Variants in MAOB observed in about 807,000 individuals in gnomAD.
MAOB encodes the protein monoamine oxidase B, also known as amine oxidase [flavin-containing] B.
A neutral mutation model predicts 41.9 loss-of-function variants in MAOB; 15 were observed. That is an observed-to-expected ratio of 0.36 (90% CI 0.24 to 0.55). MAOB has a LOEUF of 0.55. Ranked by LOEUF, MAOB falls within the 20% of genes least tolerant of loss-of-function variation. MAOB has a pLI of 0.86. For missense variants in MAOB, 345 were observed against 398.7 expected, an observed-to-expected ratio of 0.87 and a Z score of 1.15; for synonymous variants, 167 against 144.2, an observed-to-expected ratio of 1.16 and a Z score of -1.13.
chrX:43,771,844 A>T (rs1003373826), intron 12 of MAOB, among the ~76,000 whole-genome samples: 1 of 111,787 alleles, frequency 8.9e-6, no homozygotes, highest in African/African-American at 3.3e-5. Flanking sequence ...AAGGGAAAAA[A>T]AGAGTCCAAC....
At chrX:43,858,884 G>A (rs746019314) in intron 1 of MAOB, among the ~76,000 whole-genome samples, 87 of 111,809 alleles carry the variant, frequency 7.8e-4, no homozygotes, top group Non-Finnish European at 1.5e-3. Flanking sequence ...TTGATAAAAC[G>A]ATTTAACAAA....
intron 1 of MAOB, among the ~76,000 whole-genome samples, chrX:43,870,270 G>A (rs2035392839): frequency 8.9e-6 from 1 of 112,206 alleles, no homozygotes; most frequent in Non-Finnish European, 1.9e-5. Flanking sequence ...AGTAAAAGAA[G>A]GAATCCATAT....
At chrX:43,870,742 C>A (rs1438202745) in intron 1 of MAOB, among the ~76,000 whole-genome samples, 1 of 97,559 alleles carries the variant, frequency 1.0e-5, no homozygotes, top group Non-Finnish European at 2.0e-5. Context: ...TTGCAGTGAG[C>A]CAAGATCTCA....
chrX:43,851,162 G>A (rs142606551), intron 1 of MAOB, among the ~76,000 whole-genome samples: 2,201 of 111,114 alleles, frequency 0.02, 44 homozygotes, highest in African/African-American at 0.066. Context: ...TGTCTTTCTC[G>A]GGTTTGTGTG....
At chrX:43,779,234 A>G (rs2034299148) in intron 10 of MAOB, among the ~76,000 whole-genome samples, 1 of 112,225 alleles carries the variant, frequency 8.9e-6, no homozygotes, top group African/African-American at 3.2e-5. Context: ...TTTAGAATTC[A>G]TAAAGGTGGA....
chrX:43,874,709 A>G (rs1256822741), intron 1 of MAOB, among the ~76,000 whole-genome samples: 1 of 110,976 alleles, frequency 9.0e-6, no homozygotes, highest in African/African-American at 3.3e-5. Flanking sequence ...CTCTGGCCCT[A>G]TGATTTAAAT....
intron 1 of MAOB, among the ~76,000 whole-genome samples, chrX:43,853,458 G>A (rs1205878360): frequency 1.8e-5 from 2 of 110,480 alleles, no homozygotes; most frequent in Non-Finnish European, 3.8e-5. Flanking sequence ...TGCCACCTCT[G>A]AGGAGCTGGA....
chrX:43,816,821 C>T (rs1044785845), intron 3 of MAOB, among the ~76,000 whole-genome samples: 4 of 111,558 alleles, frequency 3.6e-5, no homozygotes. Flanking sequence ...GAGTGGTCAC[C>T]GTAATAGGTG....
chrX:43,856,270 G>A (rs1038399843), intron 1 of MAOB, among the ~76,000 whole-genome samples: 6 of 111,201 alleles, frequency 5.4e-5, no homozygotes, highest in Non-Finnish European at 7.5e-5. Flanking sequence ...TTTTAGTAGA[G>A]ACAGGGTTTT....
At chrX:43,784,422 G>A (rs748857359) in intron 8 of MAOB, among the ~76,000 whole-genome samples, 3 of 112,484 alleles carry the variant, frequency 2.7e-5, no homozygotes, top group African/African-American at 9.7e-5. Flanking sequence ...TGTGTTAGCA[G>A]GCATGAAAAC....
chrX:43,813,500 C>T (rs929468273), intron 3 of MAOB, among the ~76,000 whole-genome samples: 2 of 112,292 alleles, frequency 1.8e-5, no homozygotes, highest in Non-Finnish European at 3.8e-5. Flanking sequence ...AAGCTCTTGT[C>T]AGGTCTCTGC....
chrX:43,819,555 C>T (rs2034857663), intron 3 of MAOB, among the ~76,000 whole-genome samples: 1 of 111,587 alleles, frequency 9.0e-6, no homozygotes, highest in African/African-American at 3.3e-5. Flanking sequence ...ACTAACAAAC[C>T]ACCAACATGC....
intron 3 of MAOB, among the ~76,000 whole-genome samples, chrX:43,826,557 A>C (rs2034949844): frequency 8.9e-6 from 1 of 112,385 alleles, no homozygotes. Context: ...CCACAGACTG[A>C]ATAATTTATA....
intron 1 of MAOB, among the ~76,000 whole-genome samples, chrX:43,860,098 A>G (rs760278077): frequency 3.0e-4 from 34 of 111,692 alleles, no homozygotes; most frequent in Non-Finnish European, 5.5e-4. Flanking sequence ...ACAGGCTTTC[A>G]TGGGTTTCTT....
At chrX:43,809,703 C>T (rs1349422018) in intron 3 of MAOB, among the ~76,000 whole-genome samples, 3 of 111,931 alleles carry the variant, frequency 2.7e-5, no homozygotes, top group Non-Finnish European at 5.6e-5. Context: ...GTGATTATTA[C>T]TGTTTTGAAC....
chrX:43,796,602 AGAG>A (rs1268127083), intron 6 of MAOB, among the ~76,000 whole-genome samples: 7 of 110,984 alleles, frequency 6.3e-5, no homozygotes. Context: ...GAAAGAAAGA[AGAG>A]GAGGAGGGGG....
intron 13 of MAOB, among the ~76,000 whole-genome samples, 173 bp from the exon 14 acceptor site, chrX:43,768,889 T>TA (rs2034144535): frequency 8.9e-6 from 1 of 111,768 alleles, no homozygotes; most frequent in Non-Finnish European, 1.9e-5. Flanking sequence ...TCTCCTGTGG[T>TA]ATAAGAGGTT....
chrX:43,879,845 T>C (rs909888154), intron 1 of MAOB, among the ~76,000 whole-genome samples: 3 of 112,324 alleles, frequency 2.7e-5, no homozygotes, highest in Admixed American at 9.4e-5. Flanking sequence ...ATGAAGTTCT[T>C]AAGTTATCCT....
At chrX:43,815,580 T>C (rs1355390559) in intron 3 of MAOB, among the ~76,000 whole-genome samples, 1 of 111,979 alleles carries the variant, frequency 8.9e-6, no homozygotes, top group Non-Finnish European at 1.9e-5. Context: ...TGAAAATTTG[T>C]TGCAAACCAT....
Sources: allele counts gnomAD v4.1 joint callset (sites outside exome capture counted in the v4.1 genomes callset), GRCh38; gene constraint gnomAD v4.1.1; transcripts MANE v1.5; gene names NCBI Gene and HGNC (gene_info 2026-07-23, HGNC 2026-07-21).